The following NPAS3 variants were observed in gnomAD, a reference collection of about 807,000 sequenced individuals.
The protein encoded by NPAS3 is neuronal PAS domain-containing protein 3.
A neutral mutation model predicts 73.1 loss-of-function variants in NPAS3; 14 were observed. The observed-to-expected ratio is 0.19, with a 90% CI of 0.13 to 0.30. NPAS3 has a LOEUF of 0.30. Ranked by LOEUF, NPAS3 falls within the 10% of genes least tolerant of loss-of-function variation. The pLI is 1.00. For synonymous variants in NPAS3, 620 were observed against 541.5 expected, an observed-to-expected ratio of 1.14 and a Z score of -2.01; for missense variants, 1,096 against 1,250.0, an observed-to-expected ratio of 0.88 and a Z score of 1.86.
intron 4 of NPAS3, among the ~76,000 whole-genome samples, chr14:33,506,002 G>A (rs1374789760): frequency 6.6e-6 from 1 of 151,672 alleles, no homozygotes; most frequent in Admixed American, 6.6e-5. Context: ...TTCTTTCTTC[G>A]AGTCCTCAAA....
chr14:33,204,050 T>C (rs2046727963), intron 2 of NPAS3, among the ~76,000 whole-genome samples: 1 of 152,200 alleles, frequency 6.6e-6, no homozygotes, highest in South Asian at 2.1e-4. Flanking sequence ...GTGGTTTTGA[T>C]TTGCGTTTCT....
chr14:32,997,463 G>A (rs935132132), intron 1 of NPAS3, among the ~76,000 whole-genome samples: 5 of 152,094 alleles, frequency 3.3e-5, no homozygotes, highest in Admixed American at 3.3e-4. Context: ...CAAGTCTCAT[G>A]TTGCAAGTCC....
At chr14:33,743,451 C>A (rs1297394485) in intron 7 of NPAS3, among the ~76,000 whole-genome samples, 5 of 152,102 alleles carry the variant, frequency 3.3e-5, no homozygotes, top group Non-Finnish European at 7.4e-5. Context: ...TTCAGTAAAC[C>A]ATGATAATAT....
chr14:33,123,415 A>G (rs1268725483), intron 2 of NPAS3, among the ~76,000 whole-genome samples: 18 of 152,124 alleles, frequency 1.2e-4, no homozygotes, highest in Admixed American at 1.2e-3. Flanking sequence ...CTGGTAACAC[A>G]GGATAATTAT....
chr14:33,476,564 A>G (rs2051046944), intron 4 of NPAS3, among the ~76,000 whole-genome samples: 1 of 152,188 alleles, frequency 6.6e-6, no homozygotes, highest in South Asian at 2.1e-4. Context: ...CTCTATTGTC[A>G]ATTTAGTATT....
intron 2 of NPAS3, among the ~76,000 whole-genome samples, chr14:33,130,758 G>A (rs1315254076): frequency 1.3e-5 from 2 of 152,054 alleles, no homozygotes; most frequent in Non-Finnish European, 2.9e-5. Flanking sequence ...TTTTATTCAG[G>A]TTCTTCATTT....
At chr14:32,935,102 C>T, upstream of NPAS3, 1 of 572,742 alleles carries the variant, frequency 1.7e-6, no homozygotes, top group Non-Finnish European at 2.4e-6. Context: ...CACACATGCA[C>T]ATTGCCAGGG....
chr14:33,401,498 C>T (rs2047443490), intron 4 of NPAS3, among the ~76,000 whole-genome samples: 1 of 152,028 alleles, frequency 6.6e-6, no homozygotes, highest in African/African-American at 2.4e-5. Flanking sequence ...ATGTCATGCT[C>T]CTCCCATTGT....
intron 7 of NPAS3, among the ~76,000 whole-genome samples, chr14:33,752,731 C>T (rs1039801910): frequency 6.6e-6 from 1 of 152,186 alleles, no homozygotes; most frequent in Admixed American, 6.5e-5. Context: ...AGCCCTTCTC[C>T]GTCAAGGAAA....
intron 5 of NPAS3, among the ~76,000 whole-genome samples, chr14:33,605,684 G>T (rs75427055): frequency 0.018 from 2,801 of 152,194 alleles, 94 homozygotes; most frequent in African/African-American, 0.064. Context: ...ATATGTGAAA[G>T]ACATGTACAT....
chr14:33,296,978 C>A (rs568923170), intron 3 of NPAS3, among the ~76,000 whole-genome samples: 1 of 152,146 alleles, frequency 6.6e-6, no homozygotes, highest in Non-Finnish European at 1.5e-5. Flanking sequence ...AAGAATAAAT[C>A]GCATCCTTTT....
At chr14:33,357,747 T>C (rs755424809) in intron 3 of NPAS3, among the ~76,000 whole-genome samples, 30 of 152,206 alleles carry the variant, frequency 2.0e-4, no homozygotes, top group Non-Finnish European at 3.8e-4. Flanking sequence ...ATGACTCCTC[T>C]GGCTTGGGAA....
intron 3 of NPAS3, among the ~76,000 whole-genome samples, chr14:33,361,513 T>C (rs1361490598): frequency 6.6e-6 from 1 of 152,222 alleles, no homozygotes; most frequent in Admixed American, 6.5e-5. Context: ...GGTTTCTTTT[T>C]CCCAAAAGCA....
chr14:33,215,173 T>C lies in NPAS3; in HGVS notation c.141-9T>C, dbSNP rs767993338. The C allele has an allele frequency of 3.1e-6, 5 of 1,613,226 alleles. No homozygotes were observed. In the African/African-American group the frequency reaches 5.3e-5, roughly 17 times the overall value. ...TCTAAACCACACATTCTCACTCCTT[T>C]GATTTCAGTTTACAAGCATTGAGAA... On this transcript the variant is annotated splice_polypyrimidine_tract_variant and intron_variant, in intron 2 of 11. Coordinates refer to ENST00000356141, the Ensembl canonical transcript of NPAS3.
intron 2 of NPAS3, among the ~76,000 whole-genome samples, chr14:33,148,914 T>C (rs1369347778): frequency 6.6e-6 from 1 of 152,114 alleles, no homozygotes; most frequent in Non-Finnish European, 1.5e-5. Flanking sequence ...CTCAAACTCC[T>C]GGGCTCAAGG....
chr14:33,415,797 C>T (rs1028914734), intron 4 of NPAS3, among the ~76,000 whole-genome samples: 11 of 152,112 alleles, frequency 7.2e-5, no homozygotes, highest in African/African-American at 2.7e-4. Flanking sequence ...TCCTTCTTGA[C>T]AGTGTATACC....
At chr14:33,565,904 A>T (rs2055904858) in intron 5 of NPAS3, among the ~76,000 whole-genome samples, 1 of 152,142 alleles carries the variant, frequency 6.6e-6, no homozygotes, top group South Asian at 2.1e-4. Context: ...TTTAAAAAAA[A>T]GCAGAAAAAT....
At chr14:33,451,945 G>A (rs563298595) in intron 4 of NPAS3, among the ~76,000 whole-genome samples, 1 of 152,230 alleles carries the variant, frequency 6.6e-6, no homozygotes, top group South Asian at 2.1e-4. Context: ...TTGATTTCAG[G>A]TGCTGTGTTT....
intron 1 of NPAS3, among the ~76,000 whole-genome samples, chr14:33,021,546 G>A (rs2039597096): frequency 1.3e-5 from 2 of 152,194 alleles, no homozygotes; most frequent in Non-Finnish European, 2.9e-5. Context: ...TTAGTAACCA[G>A]AGATTTTCAC....
Sources: allele counts gnomAD v4.1 joint callset (sites outside exome capture counted in the v4.1 genomes callset), GRCh38; gene constraint gnomAD v4.1.1; transcripts MANE v1.5; gene names NCBI Gene and HGNC (gene_info 2026-07-23, HGNC 2026-07-21).